The following ESRRB variants were observed in gnomAD, a reference collection of about 807,000 sequenced individuals.
The protein encoded by ESRRB is estrogen related receptor beta, also known as steroid hormone receptor ERR2.
A neutral mutation model predicts 46.0 loss-of-function variants in ESRRB; 16 were observed. That is an observed-to-expected ratio of 0.35 (90% CI 0.24 to 0.53). The LOEUF (loss-of-function observed/expected upper bound fraction) is 0.53, where lower values mean the gene tolerates loss of function less well. Among genes scored for constraint, ESRRB ranks in the 20% least tolerant of loss-of-function variants. ESRRB has a pLI of 0.93. For missense variants in ESRRB, 488 were observed against 607.4 expected, an observed-to-expected ratio of 0.80 and a Z score of 2.07; for synonymous variants, 246 against 259.6, an observed-to-expected ratio of 0.95 and a Z score of 0.50.
At position 76,482,653 on chromosome 14, in the gene ESRRB, G is replaced by C; in HGVS notation, c.744G>C (p.Met248Ile). 1 of 1,614,060 alleles carries C rather than the reference G, an allele frequency of 6.2e-7. No individual in the cohort carries two copies. The highest frequency in any genetic ancestry group is 1.6e-4 in the Middle Eastern group (1 of 6,062). ...LVAEPDKLYA[M>I]PPPGMPEGDI... Reference sequence around the variant, plus strand: ...CTGAGCCGGACAAGCTCTATGCCATGCCTCCCCCTGGTATGCCTGAGGGGG... The same window carrying C: ...CTGAGCCGGACAAGCTCTATGCCATCCCTCCCCCTGGTATGCCTGAGGGGG... Residue 248 changes from methionine (M) to isoleucine (I), a missense_variant, in exon 5 of 7, where the codon ATG becomes ATC. Coordinates refer to ENST00000644823, the MANE Select transcript of ESRRB (RefSeq NM_001379180.1). The surrounding 1 kb of genome is among the most constrained non-coding windows in gnomAD (Gnocchi z 4.3).
chr14:76,425,862 T>C (rs1887175655), intron 1 of ESRRB, among the ~76,000 whole-genome samples: 1 of 152,144 alleles, frequency 6.6e-6, no homozygotes, highest in African/African-American at 2.4e-5. Flanking sequence ...TAGCTGGGAT[T>C]ACAGGTGCCC....
chr14:76,332,876 T>TTATATA (rs1178909933), intron 1 of ESRRB, among the ~76,000 whole-genome samples: 22 of 11,752 alleles, frequency 1.9e-3, no homozygotes, highest in African/African-American at 3.7e-3. Context: ...AATATATTTT[T>TTATATA]TTATATATTA....
chr14:76,358,324 A>AT (rs1884411444), intron 1 of ESRRB, among the ~76,000 whole-genome samples: 2 of 7,620 alleles, frequency 2.6e-4, no homozygotes, highest in Non-Finnish European at 4.1e-4. Flanking sequence ...AAAAAAAAAA[A>AT]AAGAAAGAAA....
At chr14:76,375,165 C>T (rs559427193), upstream of ESRRB, among the ~76,000 whole-genome samples, 1 of 151,890 alleles carries the variant, frequency 6.6e-6, no homozygotes, top group African/African-American at 2.4e-5. Context: ...ACCCCCCTCC[C>T]CACACTCATT....
chr14:76,372,271 G>A (rs529334644), upstream of ESRRB, among the ~76,000 whole-genome samples: 2 of 152,242 alleles, frequency 1.3e-5, no homozygotes, highest in South Asian at 4.2e-4. Context: ...GACAGAGTGG[G>A]CTAGGCTGTG....
chr14:76,333,066 ATATATTATATATATTATTTATAT>A (rs1884062516), intron 1 of ESRRB, among the ~76,000 whole-genome samples: 1 of 9,524 alleles, frequency 1.0e-4, no homozygotes, highest in Non-Finnish European at 1.9e-4. Flanking sequence ...ATTATATATT[ATATATTATATATATTATTTATAT>A]TATATATTAT....
intron 3 of ESRRB, among the ~76,000 whole-genome samples, chr14:76,468,986 C>A (rs1889244266): frequency 6.6e-6 from 1 of 152,142 alleles, no homozygotes; most frequent in Non-Finnish European, 1.5e-5. Flanking sequence ...CTGTTTTCTG[C>A]CTTCTTCTTG....
rs1349734603 is a variant in ESRRB, at chr14:76,500,114, G to A, written c.*1656G>A. ...TAGAAGCCCTGGTCCCACCTCCTTG[G>A]CTCTACCCCAGGAACCTCCCGGCCT... On this transcript the variant is annotated 3_prime_UTR_variant, in exon 7 of 7. Coordinates refer to ENST00000644823, the MANE Select transcript of ESRRB (RefSeq NM_001379180.1). 2.7e-6 allele frequency: 4 copies of A among 1,497,220 alleles called. No individual in the cohort carries two copies. Among genetic ancestry groups the A allele is most frequent in the Non-Finnish European group, 3.6e-6 (4 of 1,105,406 alleles). 92.7% of individuals were successfully genotyped at this position (1,497,220 alleles called of 1,614,324 possible). A position where few individuals can be genotyped will look rare whatever the true frequency, so the allele number is the denominator to read the frequency against.
chr14:76,482,252 A>G lies in ESRRB; in HGVS notation c.688+126A>G. The G allele has an allele frequency of 1.3e-6, 1 of 784,746 alleles. No individual in the cohort carries two copies. The highest frequency in any genetic ancestry group is 2.7e-5 in the East Asian group (1 of 37,686). The allele number at this position is 784,746 out of a possible 1,614,324, so 48.6% of individuals were successfully genotyped here. ...ACAATGTGGATCTTGGGGAGGTGAC[A>G]TCAGTGCCTGGCACATTTAGAATGT... On this transcript the variant is annotated intron_variant, in intron 4 of 6. Transcript: ENST00000644823. This position sits in a 1 kb window ranked among gnomAD's most constrained non-coding sequence, Gnocchi z 4.3.
intron 1 of ESRRB, among the ~76,000 whole-genome samples, chr14:76,391,043 A>G (rs1156487667): frequency 6.6e-6 from 1 of 152,250 alleles, no homozygotes; most frequent in East Asian, 1.9e-4. Context: ...GGTCATGCCC[A>G]TGAAAGCAAG....
At chr14:76,310,787 A>T (rs1883719328) in exon 1 of ESRRB, 1 of 450,722 alleles carries the variant, frequency 2.2e-6, no homozygotes, top group South Asian at 1.6e-5. Context: ...AGTCACAAAG[A>T]GACACAGACA....
chr14:76,385,151 T>C (rs72731627), intron 1 of ESRRB, among the ~76,000 whole-genome samples: 12,930 of 151,918 alleles, frequency 0.085, 726 homozygotes, highest in South Asian at 0.16. Context: ...CATAGCTGTC[T>C]GTATTTTTTT....
chr14:76,333,052 A>ATTTATAT (rs1566853689), intron 1 of ESRRB, among the ~76,000 whole-genome samples: 360 of 7,446 alleles, frequency 0.048, 143 homozygotes, highest in Middle Eastern at 0.33. Context: ...ATTATATATT[A>ATTTATAT]TATATTATAT....
intron 1 of ESRRB, among the ~76,000 whole-genome samples, chr14:76,311,837 G>T (rs1261815687): frequency 6.6e-6 from 1 of 152,136 alleles, no homozygotes; most frequent in Non-Finnish European, 1.5e-5. Flanking sequence ...CTGTGTCCAC[G>T]GGGCTTACCT....
At chr14:76,472,389 A>C (rs1889407833) in intron 3 of ESRRB, among the ~76,000 whole-genome samples, 2 of 152,192 alleles carry the variant, frequency 1.3e-5, no homozygotes, top group Non-Finnish European at 2.9e-5. Flanking sequence ...ATCACTCACT[A>C]ACACTTATCC....
intron 1 of ESRRB, among the ~76,000 whole-genome samples, chr14:76,383,776 C>T (rs930994484): frequency 2.0e-5 from 3 of 151,998 alleles, no homozygotes; most frequent in Non-Finnish European, 4.4e-5. Flanking sequence ...TATAATTGGC[C>T]CCCCTGTTCT....
At chr14:76,365,955 C>T (rs1209377700) in intron 1 of ESRRB, among the ~76,000 whole-genome samples, 1 of 152,340 alleles carries the variant, frequency 6.6e-6, no homozygotes, top group East Asian at 1.9e-4. Flanking sequence ...CCACCCTGCA[C>T]ATGGTACACC....
upstream of ESRRB, among the ~76,000 whole-genome samples, chr14:76,369,565 C>T (rs559296063): frequency 2.0e-5 from 3 of 152,266 alleles, no homozygotes; most frequent in South Asian, 2.1e-4. Context: ...CGAGCCACCA[C>T]GCCCGGCCTC....
At chr14:76,325,538 A>G (rs1031259715) in intron 1 of ESRRB, among the ~76,000 whole-genome samples, 2 of 152,112 alleles carry the variant, frequency 1.3e-5, no homozygotes, top group African/African-American at 4.8e-5. Flanking sequence ...TCTCGTATTA[A>G]TGCATCTGAT....
Sources: allele counts gnomAD v4.1 joint callset (sites outside exome capture counted in the v4.1 genomes callset), GRCh38; gene constraint gnomAD v4.1.1; non-coding constraint Gnocchi (gnomAD v3.1); transcripts MANE v1.5; gene names NCBI Gene and HGNC (gene_info 2026-07-23, HGNC 2026-07-21).